NLRP13: variants seen among roughly 807,000 people sequenced by gnomAD.
NLRP13 encodes the protein NLR family pyrin domain containing 13, also known as NACHT, LRR and PYD domains-containing protein 13.
NLRP13 carries 82 observed loss-of-function variants against 94.4 expected under a neutral mutation model. The ratio of observed to expected loss-of-function variants is 0.87; its 90% CI spans 0.73 to 1.04. The LOEUF (loss-of-function observed/expected upper bound fraction) is 1.04, where lower values mean the gene tolerates loss of function less well. Ranked by LOEUF, NLRP13 falls within the 50% of genes least tolerant of loss-of-function variation. NLRP13 has a pLI of 0.00. For synonymous variants in NLRP13, 553 were observed against 464.7 expected (o/e 1.19, Z -2.45); for missense variants, 1,426 against 1,230.8 (o/e 1.16, Z -2.37).
At chr19:55,922,571 C>G (rs1986857701) in intron 4 of NLRP13, among the ~76,000 whole-genome samples, 1 of 152,200 alleles carries the variant, frequency 6.6e-6, no homozygotes, top group Non-Finnish European at 1.5e-5. Flanking sequence ...CGTGATCTGC[C>G]TACCTCAACC....
At chr19:55,915,048 CG>C (rs1303407877) in intron 4 of NLRP13, among the ~76,000 whole-genome samples, 1 of 151,802 alleles carries the variant, frequency 6.6e-6, no homozygotes, top group Non-Finnish European at 1.5e-5. Flanking sequence ...GGGAATGGCA[CG>C]GGGAAAAGAG....
At chr19:55,893,771 C>A (rs1985922857), downstream of NLRP13, among the ~76,000 whole-genome samples, 1 of 152,166 alleles carries the variant, frequency 6.6e-6, no homozygotes. Flanking sequence ...GAGCGTTCTA[C>A]AAGAGGAGGC....
At chr19:55,907,725 G>A (rs199615417) in intron 7 of NLRP13, 67 bp downstream of exon 7, 5 of 1,494,032 alleles carry the variant, frequency 3.3e-6, no homozygotes, top group Non-Finnish European at 4.6e-6. Context: ...AGCCCTCCCA[G>A]TGGATCGTGG....
chr19:55,907,712 G>A, intron 7 of NLRP13, 80 bp downstream of exon 7: 2 of 1,367,014 alleles, frequency 1.5e-6, no homozygotes, highest in Non-Finnish European at 2.1e-6. Flanking sequence ...GCTGAGTGCT[G>A]TCAGCCCTCC....
chr19:55,904,614 G>A (rs1341769317), intron 8 of NLRP13, among the ~76,000 whole-genome samples: 2 of 152,062 alleles, frequency 1.3e-5, no homozygotes, highest in African/African-American at 4.8e-5. Context: ...CCTTCCACAT[G>A]GGCAGGAAGT....
At chr19:55,921,034 G>A (rs1173224161) in intron 4 of NLRP13, among the ~76,000 whole-genome samples, 2 of 152,116 alleles carry the variant, frequency 1.3e-5, no homozygotes, top group African/African-American at 2.4e-5. Context: ...AATACCGCAA[G>A]TTCTTACTTA....
chr19:55,930,246 C>T (rs1348273838), intron 1 of NLRP13, among the ~76,000 whole-genome samples: 1 of 152,224 alleles, frequency 6.6e-6, no homozygotes, highest in East Asian at 1.9e-4. Flanking sequence ...TCCCAGCTCT[C>T]CTGGTCACCA....
intron 4 of NLRP13, among the ~76,000 whole-genome samples, chr19:55,923,054 A>C (rs1986872937): frequency 6.6e-6 from 1 of 152,198 alleles, no homozygotes; most frequent in Non-Finnish European, 1.5e-5. Context: ...TGATAAAACT[A>C]AACTTAGAAC....
At position 55,907,814 on chromosome 19, in the gene NLRP13, C is replaced by T. The variant is rs749410509; in HGVS notation, c.2425G>A (p.Ala809Thr). Residue 809 changes from alanine to threonine, a missense_variant, in exon 7 of 11, where the codon GCT becomes ACT. Ala to Thr is a moderately conservative substitution (Grantham distance 58). Coordinates refer to ENST00000342929, the MANE Select transcript of NLRP13 (RefSeq NM_176810.2). Reference protein sequence around the residue: ...PLILKALRHSACNLKYLCLEK... With the variant: ...PLILKALRHSTCNLKYLCLEK... Reference sequence around the variant, plus strand: ...TACCACAGATACTTGAGGTTGCAAGCTGAGTGTCTCAAAGCTTTAAGAATC... The same window carrying T: ...TACCACAGATACTTGAGGTTGCAAGTTGAGTGTCTCAAAGCTTTAAGAATC... 4.9e-5 allele frequency: 79 copies of T among 1,613,770 alleles called. No homozygotes were observed. The highest frequency in any genetic ancestry group is 6.5e-5 in the Non-Finnish European group (77 of 1,179,932).
intron 4 of NLRP13, among the ~76,000 whole-genome samples, chr19:55,918,843 T>C (rs1986740319): frequency 6.6e-6 from 1 of 151,976 alleles, no homozygotes. Flanking sequence ...GAAAAAGATG[T>C]TGGAGAGGAG....
chr19:55,926,709 G>A (rs1329535527), intron 1 of NLRP13, among the ~76,000 whole-genome samples: 1 of 152,160 alleles, frequency 6.6e-6, no homozygotes, highest in Non-Finnish European at 1.5e-5. Context: ...CACTGCCCAT[G>A]CGGAGGGTGG....
intron 7 of NLRP13, among the ~76,000 whole-genome samples, chr19:55,905,388 T>A (rs1986309348): frequency 6.8e-6 from 1 of 147,778 alleles, no homozygotes; most frequent in African/African-American, 2.5e-5. Context: ...CTAAAGAAAA[T>A]ACATATATAT....
intron 4 of NLRP13, among the ~76,000 whole-genome samples, chr19:55,916,209 A>C (rs1364052725): frequency 6.6e-6 from 1 of 152,206 alleles, no homozygotes; most frequent in Non-Finnish European, 1.5e-5. Context: ...TCACATCCTC[A>C]AGGGAAAAAA....
chr19:55,894,001 C>T (rs1985930008), downstream of NLRP13, among the ~76,000 whole-genome samples: 1 of 149,932 alleles, frequency 6.7e-6, no homozygotes, highest in Non-Finnish European at 1.5e-5. Context: ...CTGAGATGTA[C>T]CAGTAACAGC....
rs1409398743 is a variant in NLRP13 at position 55,902,175 on chromosome 19, A to G, written c.2649T>C (p.Ala883=). The G allele has an allele frequency of 2.5e-6, 4 of 1,613,848 alleles. No homozygotes were observed. The African/African-American group carries it at 4.0e-5, about 16-fold the overall frequency. ...GGAGAGCATCTGACAAGTGCTTGCA[A>G]GCGGGTGCTGCCAGCTGGCAAAACC... ...ELWFCQLAAP[A]CKHLSDALLQ... The change falls in exon 9 of 11, where the codon GCT becomes GCC. Residue 883 remains alanine (A), a synonymous_variant. Transcript: ENST00000342929.
At chr19:55,906,064 G>C (rs955899758) in intron 7 of NLRP13, among the ~76,000 whole-genome samples, 5 of 152,150 alleles carry the variant, frequency 3.3e-5, no homozygotes, top group Non-Finnish European at 5.9e-5. Flanking sequence ...GAGGCCAGGC[G>C]TGGTGGCTCA....
At chr19:55,925,095 A>T in intron 1 of NLRP13, 60 bp from the exon 2 acceptor site, 1 of 1,461,148 alleles carries the variant, frequency 6.8e-7, no homozygotes, top group South Asian at 1.1e-5. Flanking sequence ...GACCAGCAAT[A>T]ATGGAGTCTC....
intron 1 of NLRP13, among the ~76,000 whole-genome samples, chr19:55,926,016 G>A (rs1185019239): frequency 1.3e-5 from 2 of 152,104 alleles, no homozygotes; most frequent in Non-Finnish European, 2.9e-5. Context: ...TAACTCTCCT[G>A]GAAGCAGGGA....
At chr19:55,915,158 A>G (rs780329542) in intron 4 of NLRP13, among the ~76,000 whole-genome samples, 21 of 152,228 alleles carry the variant, frequency 1.4e-4, no homozygotes, top group Non-Finnish European at 1.6e-4. Context: ...TGTAGTTAAT[A>G]ACAGTGTGTT....
Sources: gnomAD v4.1 joint callset for allele counts (sites outside exome capture counted in the v4.1 genomes callset) on GRCh38, gnomAD v4.1.1 for gene constraint, MANE v1.5 for transcripts, NCBI Gene and HGNC (gene_info 2026-07-23, HGNC 2026-07-21) for gene names.